SNTG1: variants seen among roughly 807,000 people sequenced by gnomAD.
The protein encoded by SNTG1 is syntrophin gamma 1, also known as gamma-1-syntrophin.
In SNTG1, 39 loss-of-function variants were observed where a neutral mutation model predicts 74.7. The ratio of observed to expected loss-of-function variants is 0.52; its 90% CI spans 0.40 to 0.68. SNTG1 has a LOEUF of 0.68. SNTG1 is among the 30% of genes least tolerant of loss of function. SNTG1 has a pLI of 0.00. For synonymous variants in SNTG1, 254 were observed against 217.1 expected (o/e 1.17, Z -1.49); for missense variants, 685 against 609.5 (o/e 1.12, Z -1.30).
chr8:50,102,968 T>C (rs1004936870), intron 1 of SNTG1, among the ~76,000 whole-genome samples: 5 of 151,396 alleles, frequency 3.3e-5, no homozygotes, highest in African/African-American at 9.7e-5. Context: ...TGTAGCCTTG[T>C]AGTATAGTTT....
chr8:50,270,956 C>T (rs981192688), intron 2 of SNTG1, among the ~76,000 whole-genome samples: 1 of 152,146 alleles, frequency 6.6e-6, no homozygotes, highest in African/African-American at 2.4e-5. Flanking sequence ...AAAAGTTACT[C>T]TAAATATGTG....
intron 13 of SNTG1, among the ~76,000 whole-genome samples, chr8:50,653,358 G>A (rs901745674): frequency 6.6e-6 from 1 of 152,032 alleles, no homozygotes; most frequent in Non-Finnish European, 1.5e-5. Context: ...CTTGAGCTGG[G>A]GAGGTCACGT....
chr8:49,940,461 A>G (rs564799612), intron 1 of SNTG1, among the ~76,000 whole-genome samples: 1 of 152,126 alleles, frequency 6.6e-6, no homozygotes, highest in African/African-American at 2.4e-5. Context: ...TACCTGCTTT[A>G]TCTCTTAACT....
intron 1 of SNTG1, among the ~76,000 whole-genome samples, chr8:49,949,976 A>G (rs575283017): frequency 7.7e-4 from 117 of 152,264 alleles, no homozygotes; most frequent in African/African-American, 2.6e-3. Flanking sequence ...AAGATACAAA[A>G]ATTAGCCAGG....
chr8:50,752,210 C>G (rs1585708823), intron 18 of SNTG1, 99 bp downstream of exon 18: 1 of 546,256 alleles, frequency 1.8e-6, no homozygotes, highest in East Asian at 3.2e-5. Context: ...ACCAAAAACA[C>G]ACATTCTCTG....
chr8:50,405,458 G>A (rs1369369456), intron 4 of SNTG1, among the ~76,000 whole-genome samples: 1 of 152,032 alleles, frequency 6.6e-6, no homozygotes, highest in African/African-American at 2.4e-5. Flanking sequence ...CTTTGGGTAA[G>A]TGTCTATTCA....
rs908227128 is a variant in SNTG1, at chr8:50,086,642, G to A, written c.-102-85919G>A. The stretch of plus-strand genomic sequence containing the variant: ...TGTTTGAAGGGCCTGAGGCATGGGA[G>A]GCTGTGCCTAAGATACAAGAGAATG... On this transcript the variant is annotated intron_variant, in intron 1 of 18. Transcript: ENST00000642720. 2.0e-5 allele frequency among the ~76,000 whole-genome samples: 3 copies of A among 152,046 alleles called. No individual in the cohort carries two copies. In the South Asian group the frequency reaches 6.2e-4, roughly 32 times the overall value.
At chr8:50,559,835 C>A (rs905818123) in intron 12 of SNTG1, among the ~76,000 whole-genome samples, 1 of 152,084 alleles carries the variant, frequency 6.6e-6, no homozygotes, top group African/African-American at 2.4e-5. Context: ...ATGACAAAAA[C>A]GCAAGAAGCA....
intron 18 of SNTG1, among the ~76,000 whole-genome samples, chr8:50,788,839 C>T (rs1158604865): frequency 6.6e-6 from 1 of 151,466 alleles, no homozygotes; most frequent in Admixed American, 6.7e-5. Context: ...TACTGTGCCT[C>T]ATCTCCTGCG....
intron 15 of SNTG1, among the ~76,000 whole-genome samples, chr8:50,695,012 T>C (rs1448599206): frequency 6.6e-6 from 1 of 151,944 alleles, no homozygotes; most frequent in Admixed American, 6.5e-5. Flanking sequence ...GCATTTCCTG[T>C]AAGACCTGAA....
chr8:50,465,551 T>C (rs77956536), intron 8 of SNTG1, among the ~76,000 whole-genome samples: 232 of 152,308 alleles, frequency 1.5e-3, no homozygotes, highest in African/African-American at 5.4e-3. Flanking sequence ...ACTGTTACAA[T>C]GTCATACAGA....
chr8:50,373,744 C>T (rs2092318961), intron 2 of SNTG1, among the ~76,000 whole-genome samples: 1 of 152,102 alleles, frequency 6.6e-6, no homozygotes. Flanking sequence ...ATTATTTTTT[C>T]TCTAAAGTGA....
chr8:50,768,339 A>AC (rs1337591729), intron 18 of SNTG1, among the ~76,000 whole-genome samples: 1 of 151,996 alleles, frequency 6.6e-6, no homozygotes, highest in African/African-American at 2.4e-5. Flanking sequence ...GAGAAAAAAA[A>AC]ATGTTTCTGA....
chr8:49,952,798 T>C (rs1357210638), intron 1 of SNTG1, among the ~76,000 whole-genome samples: 1 of 152,176 alleles, frequency 6.6e-6, no homozygotes, highest in Non-Finnish European at 1.5e-5. Context: ...TTTTAATAGC[T>C]TTGACTTAAT....
chr8:50,015,033 A>G (rs1261520360), intron 1 of SNTG1, among the ~76,000 whole-genome samples: 6 of 151,890 alleles, frequency 4.0e-5, no homozygotes, highest in Non-Finnish European at 8.8e-5. Flanking sequence ...AAAGCCAACA[A>G]AAAATGTCCT....
Position 50,482,675 on chromosome 8 carries a change from C to CA in SNTG1, c.364-20102dup, listed in dbSNP as rs749959918. Among the ~76,000 whole-genome samples the CA allele has an allele frequency of 1.0e-3, 155 of 152,226 alleles. 1 individual carries two copies. Among genetic ancestry groups the CA allele is most frequent in the Non-Finnish European group, 1.7e-3 (116 of 68,014 alleles). ...GAGCTTGAATTCCCCGTTTCTACACCATTGCCGAGGACACATAGATGCAAG... is the reference window on the plus strand; with the variant it reads ...GAGCTTGAATTCCCCGTTTCTACACCAATTGCCGAGGACACATAGATGCAAG... On this transcript the variant is annotated intron_variant, in intron 8 of 18. Transcript: ENST00000642720.
intron 1 of SNTG1, among the ~76,000 whole-genome samples, chr8:50,049,549 G>A (rs1819391447): frequency 6.6e-6 from 1 of 151,988 alleles, no homozygotes; most frequent in Admixed American, 6.6e-5. Flanking sequence ...CATTATATTT[G>A]AGCACTCATC....
chr8:50,336,622 A>C (rs866393849), intron 2 of SNTG1, among the ~76,000 whole-genome samples: 11 of 152,236 alleles, frequency 7.2e-5, no homozygotes, highest in African/African-American at 2.7e-4. Context: ...ATGTCTGTGA[A>C]TGCCCAGCAT....
At chr8:50,412,399 C>A (rs1488538334) in intron 4 of SNTG1, among the ~76,000 whole-genome samples, 1 of 151,990 alleles carries the variant, frequency 6.6e-6, no homozygotes, top group Non-Finnish European at 1.5e-5. Context: ...AGATTGAGTC[C>A]ATTATTTAAA....
Sources: allele counts gnomAD v4.1 joint callset (sites outside exome capture counted in the v4.1 genomes callset), GRCh38; gene constraint gnomAD v4.1.1; transcripts MANE v1.5; gene names NCBI Gene and HGNC (gene_info 2026-07-23, HGNC 2026-07-21).